KCTD10: variants seen among roughly 807,000 people sequenced by gnomAD.
The protein encoded by KCTD10 is potassium channel tetramerization domain containing 10.
Under a neutral mutation model 34.6 loss-of-function variants are expected in KCTD10, and 13 were observed. The observed-to-expected ratio is 0.38, with a 90% confidence interval of 0.24 to 0.60. KCTD10 has a LOEUF of 0.60. Among genes scored for constraint, KCTD10 ranks in the 20% least tolerant of loss-of-function variants. The pLI, the probability that KCTD10 is intolerant of heterozygous loss-of-function variation, is 0.66. For synonymous variants in KCTD10, 156 were observed against 168.8 expected, an observed-to-expected ratio of 0.92 and a Z score of 0.59; for missense variants, 256 against 420.3, an observed-to-expected ratio of 0.61 and a Z score of 3.42.
At chr12:109,475,317 A>G (rs557623404) in intron 1 of KCTD10, among the ~76,000 whole-genome samples, 1 of 148,718 alleles carries the variant, frequency 6.7e-6, no homozygotes, top group Admixed American at 6.7e-5. Flanking sequence ...CAAAAAAATT[A>G]AAAAAAAAAA....
chr12:109,467,338 G>A (rs890735569), intron 2 of KCTD10, among the ~76,000 whole-genome samples: 6 of 152,214 alleles, frequency 3.9e-5, no homozygotes, highest in South Asian at 2.1e-4. Flanking sequence ...AATACCCATC[G>A]GCTGTGCGTG....
intron 5 of KCTD10, chr12:109,456,812 T>C (rs1349713172): frequency 6.1e-6 from 1 of 164,146 alleles, no homozygotes; most frequent in African/African-American, 2.4e-5. Flanking sequence ...CCTGCATATA[T>C]TGCTGGTGGG....
Position 109,460,452 on chromosome 12 carries a change from C to T in KCTD10, c.387+184G>A. Reference sequence around the variant, plus strand: ...AGTGACACAGTAGTTAGGTGGCCTGCTGTTCCAGGGAGGCCTCTCAGGGGT... The same window carrying T: ...AGTGACACAGTAGTTAGGTGGCCTGTTGTTCCAGGGAGGCCTCTCAGGGGT... On this transcript the variant is annotated intron_variant, in intron 3 of 6. Transcript: ENST00000228495. The surrounding 1 kb of genome is among the most constrained non-coding windows in gnomAD (Gnocchi z 4.5). 1 of 600,624 alleles carries T rather than the reference C, an allele frequency of 1.7e-6. No homozygotes were observed. Among genetic ancestry groups the T allele is most frequent in the Non-Finnish European group, 2.9e-6 (1 of 340,662 alleles). 37.2% of individuals were successfully genotyped at this position (600,624 alleles called of 1,614,324 possible). A position where few individuals can be genotyped will look rare whatever the true frequency, so the allele number is the denominator to read the frequency against.
intron 5 of KCTD10, 152 bp downstream of exon 5, chr12:109,457,478 T>C (rs1397778955): frequency 1.5e-6 from 1 of 646,556 alleles, no homozygotes; most frequent in Non-Finnish European, 2.8e-6. Flanking sequence ...CTCAGAGTTA[T>C]ACCCCTGTAT....
At chr12:109,473,907 G>C (rs7979038) in intron 1 of KCTD10, among the ~76,000 whole-genome samples, 1 of 151,234 alleles carries the variant, frequency 6.6e-6, no homozygotes, top group East Asian at 1.9e-4. Context: ...TCACCCTCCC[G>C]AGTAGCTGGG....
At chr12:109,463,180 T>TTTGATGTCTGCAGAACTCAGCTGC (rs1490390405) in intron 2 of KCTD10, among the ~76,000 whole-genome samples, 1 of 152,204 alleles carries the variant, frequency 6.6e-6, no homozygotes, top group Non-Finnish European at 1.5e-5. Flanking sequence ...ACGTTCTGCC[T>TTTGATGTCTGCAGAACTCAGCTGC]TTGATGTCTG....
At chr12:109,462,463 C>T (rs1873387005) in intron 2 of KCTD10, among the ~76,000 whole-genome samples, 1 of 152,266 alleles carries the variant, frequency 6.6e-6, no homozygotes, top group African/African-American at 2.4e-5. Flanking sequence ...CCTTCCCAGG[C>T]ATGGTAAATC....
chr12:109,471,104 A>G (rs985638487), intron 1 of KCTD10: 17 of 985,360 alleles, frequency 1.7e-5, no homozygotes, highest in Non-Finnish European at 2.0e-5. Context: ...CTGACAGCAC[A>G]TAACTTGTTT....
In KCTD10 at chr12:109,451,649, G is replaced by GCGCTCGATCCGCTCC; in HGVS notation, c.873_887dup (p.Glu292_Arg296dup). The GCGCTCGATCCGCTCC allele has an allele frequency of 1.2e-6, 2 of 1,612,790 alleles. No individual in the cohort carries two copies. The highest frequency in any genetic ancestry group is 1.7e-6 in the Non-Finnish European group (2 of 1,179,744). ...GGCGCTTGATGTGGATCCTCCGCAC[G>GCGCTCGATCCGCTCC]CGCTCGATCCGCTCCCGCTCCTCGT... On this transcript the variant is annotated inframe_insertion, in exon 7 of 7. Coordinates refer to ENST00000228495, the MANE Select transcript of KCTD10 (RefSeq NM_031954.5). The surrounding 1 kb of genome is among the most constrained non-coding windows in gnomAD (Gnocchi z 5.0).
intron 1 of KCTD10, among the ~76,000 whole-genome samples, chr12:109,476,698 T>C (rs1005885505): frequency 6.6e-6 from 1 of 152,064 alleles, no homozygotes; most frequent in African/African-American, 2.4e-5. Flanking sequence ...GCTCTCTCGA[T>C]TTCTTTCCCT....
chr12:109,471,377 C>A (rs1873877892), intron 1 of KCTD10: 4 of 985,290 alleles, frequency 4.1e-6, no homozygotes, highest in South Asian at 9.4e-5. Context: ...ATGTCAGGGC[C>A]CTGCAGAGTG....
chr12:109,470,351 C>A lies in KCTD10; in HGVS notation c.4-623G>T, dbSNP rs114523761. On this transcript the variant is annotated intron_variant, in intron 1 of 6. Coordinates refer to ENST00000228495, the MANE Select transcript of KCTD10 (RefSeq NM_031954.5). ...ACAACAGACATGGAAACTTTTGGAA[C>A]CAAGTTATTGCAAAATTAGACCTCC... The A allele has an allele frequency of 1.9e-4, 187 of 985,544 alleles. No homozygotes were observed. The African/African-American group carries it at 2.1e-3, about 11-fold the overall frequency. 61.0% of individuals were successfully genotyped at this position (985,544 alleles called of 1,614,324 possible).
intron 2 of KCTD10, among the ~76,000 whole-genome samples, chr12:109,461,195 T>G (rs1873306988): frequency 6.6e-6 from 1 of 152,052 alleles, no homozygotes; most frequent in Non-Finnish European, 1.5e-5. Flanking sequence ...GCCTTCTGGG[T>G]AAAAAATATC....
intron 5 of KCTD10, chr12:109,456,543 C>T: frequency 1.8e-6 from 1 of 547,004 alleles, no homozygotes; most frequent in South Asian, 2.0e-5. Context: ...GGCAGACACG[C>T]CCCCCAAAAG....
At position 109,460,893 on chromosome 12, in the gene KCTD10, C is replaced by G. The variant is rs111654961; in HGVS notation, c.218-88G>C. ...GAGCTGGGGTGTCTCTCGGCTCCCT[C>G]TACCTCCCAGCGGAGAGCGGGACTG... On this transcript the variant is annotated intron_variant, in intron 2 of 6. Coordinates refer to ENST00000228495, the MANE Select transcript of KCTD10 (RefSeq NM_031954.5). The surrounding 1 kb of genome is among the most constrained non-coding windows in gnomAD (Gnocchi z 4.5). 1.0e-5 allele frequency: 14 copies of G among 1,340,130 alleles called. No homozygotes were observed. The African/African-American group carries it at 1.2e-4, about 11-fold the overall frequency. 83.0% of individuals were successfully genotyped at this position (1,340,130 alleles called of 1,614,324 possible).
chr12:109,471,524 A>G (rs1873885655), intron 1 of KCTD10: 1 of 577,970 alleles, frequency 1.7e-6, no homozygotes, highest in Non-Finnish European at 2.2e-6. Flanking sequence ...GCCCGATGCC[A>G]AACACAAAAG....
chr12:109,476,823 T>G (rs1196332481), intron 1 of KCTD10, among the ~76,000 whole-genome samples: 2 of 151,922 alleles, frequency 1.3e-5, no homozygotes, highest in African/African-American at 4.8e-5. Flanking sequence ...GAATCCTACC[T>G]CACCTTCTCA....
intron 6 of KCTD10, among the ~76,000 whole-genome samples, chr12:109,453,308 G>T (rs1872866480): frequency 6.6e-6 from 1 of 152,096 alleles, no homozygotes; most frequent in Non-Finnish European, 1.5e-5. Context: ...TCCCACCTCA[G>T]CCTCCCAAGT....
intron 6 of KCTD10, among the ~76,000 whole-genome samples, chr12:109,453,735 G>A (rs1227502471): frequency 6.6e-6 from 1 of 152,186 alleles, no homozygotes; most frequent in African/African-American, 2.4e-5. Context: ...CTGGCTGGCC[G>A]ATCAGAGAAG....
Sources: gnomAD v4.1 joint callset for allele counts (sites outside exome capture counted in the v4.1 genomes callset) on GRCh38, gnomAD v4.1.1 for gene constraint, Gnocchi (gnomAD v3.1) non-coding constraint, MANE v1.5 for transcripts, NCBI Gene and HGNC (gene_info 2026-07-23, HGNC 2026-07-21) for gene names.